The following MYO3B variants were observed in gnomAD, a reference collection of about 807,000 sequenced individuals.
The protein encoded by MYO3B is myosin IIIB.
Under a neutral mutation model 174.6 loss-of-function variants are expected in MYO3B, and 156 were observed. The ratio of observed to expected loss-of-function variants is 0.89; its 90% CI spans 0.78 to 1.02. The LOEUF (loss-of-function observed/expected upper bound fraction) is 1.02. Ranked by LOEUF, MYO3B falls within the 50% of genes least tolerant of loss-of-function variation. The pLI is 0.00. For synonymous variants in MYO3B, 563 were observed against 569.1 expected, an observed-to-expected ratio of 0.99 and a Z score of 0.15; for missense variants, 1,632 against 1,639.4, an observed-to-expected ratio of 1.00 and a Z score of 0.08.
intron 32 of MYO3B, among the ~76,000 whole-genome samples, chr2:170,596,564 T>C (rs1158447607): frequency 6.6e-6 from 1 of 152,256 alleles, no homozygotes; most frequent in Non-Finnish European, 1.5e-5. Flanking sequence ...TGAAATTCCT[T>C]AATTCTGACT....
chr2:170,389,755 A>T (rs1450605331), intron 14 of MYO3B, among the ~76,000 whole-genome samples: 1 of 152,168 alleles, frequency 6.6e-6, no homozygotes, highest in East Asian at 1.9e-4. Flanking sequence ...CTAGATGCTC[A>T]AGCTAGAAAT....
At chr2:170,602,972 G>T (rs1694606537) in intron 32 of MYO3B, among the ~76,000 whole-genome samples, 1 of 152,128 alleles carries the variant, frequency 6.6e-6, no homozygotes, top group South Asian at 2.1e-4. Context: ...GGAGGCTGAG[G>T]CAGGAGAATC....
chr2:170,330,643 T>C (rs986536486), intron 7 of MYO3B, among the ~76,000 whole-genome samples: 1 of 152,188 alleles, frequency 6.6e-6, no homozygotes, highest in African/African-American at 2.4e-5. Context: ...ACCATGTATG[T>C]GTGTATAATG....
chr2:170,618,976 A>G (rs1365383399), intron 32 of MYO3B, among the ~76,000 whole-genome samples: 1 of 152,198 alleles, frequency 6.6e-6, no homozygotes, highest in African/African-American at 2.4e-5. Context: ...GCAAGATATT[A>G]ATCAGCAGTA....
chr2:170,200,211 A>G lies in MYO3B; in HGVS notation c.248A>G (p.Asn83Ser). The change falls in exon 3 of 35, where the codon AAT becomes AGT. Residue 83 changes from asparagine (N) to serine (S), a missense_variant. Asn to Ser is a conservative substitution (Grantham distance 46). Transcript: ENST00000408978. ...NILQFLPNHP[N>S]VVKFYGMFYK... ...TTGCAGTTCCTTCCTAATCATCCCA[A>G]TGTTGTAAAGTTTTATGGGATGTTT... 1 of 1,613,584 alleles carries G rather than the reference A, an allele frequency of 6.2e-7. No homozygotes were observed. Among genetic ancestry groups the G allele is most frequent in the Non-Finnish European group, 8.5e-7 (1 of 1,179,676 alleles).
intron 8 of MYO3B, chr2:170,337,725 A>T (rs2093954737): frequency 6.6e-6 from 1 of 152,236 alleles, no homozygotes; most frequent in South Asian, 2.1e-4. Flanking sequence ...TGCTGATAAC[A>T]TAAACTGTTG....
chr2:170,623,743 T>C (rs1464185886), intron 32 of MYO3B, among the ~76,000 whole-genome samples: 1 of 152,230 alleles, frequency 6.6e-6, no homozygotes, highest in Non-Finnish European at 1.5e-5. Flanking sequence ...CTTGAATTAA[T>C]TTTTGTATAA....
chr2:170,509,685 T>C (rs1416224560), intron 28 of MYO3B, among the ~76,000 whole-genome samples: 1 of 152,144 alleles, frequency 6.6e-6, no homozygotes, highest in Non-Finnish European at 1.5e-5. Context: ...ACATCATTTG[T>C]CCCCCTCACT....
At chr2:170,203,432 T>C (rs1419548665) in intron 3 of MYO3B, among the ~76,000 whole-genome samples, 2 of 147,516 alleles carry the variant, frequency 1.4e-5, no homozygotes, top group East Asian at 4.0e-4. Flanking sequence ...ACATCTTTTT[T>C]TTCCCTTCAG....
In MYO3B at chr2:170,513,478, G is replaced by A. The variant is rs148148369; in HGVS notation, c.3371-1443G>A. ...TCACTGAGTCTCTCTGTGTCTTCAC[G>A]TGGCCTGTTTATGAGGACACCAGTC... is the stretch of plus-strand genomic sequence containing the variant. On this transcript the variant is annotated intron_variant, in intron 28 of 34. Transcript: ENST00000408978. 8.5e-5 allele frequency among the ~76,000 whole-genome samples: 13 copies of A among 152,064 alleles called. No individual in the cohort carries two copies. The East Asian group carries it at 2.5e-3, about 29-fold the overall frequency.
At chr2:170,506,493 T>A (rs1687630051) in intron 28 of MYO3B, among the ~76,000 whole-genome samples, 1 of 152,224 alleles carries the variant, frequency 6.6e-6, no homozygotes, top group Non-Finnish European at 1.5e-5. Flanking sequence ...TTCACTTACT[T>A]AACTACTATT....
intron 30 of MYO3B, among the ~76,000 whole-genome samples, chr2:170,523,035 T>C (rs980131656): frequency 2.6e-5 from 4 of 152,236 alleles, no homozygotes; most frequent in Non-Finnish European, 2.9e-5. Context: ...CCTTATGTCA[T>C]TGTGAGTAGT....
At chr2:170,192,141 C>T (rs963282880) in intron 1 of MYO3B, among the ~76,000 whole-genome samples, 1 of 151,956 alleles carries the variant, frequency 6.6e-6, no homozygotes, top group East Asian at 1.9e-4. Flanking sequence ...ACCTGGAAAA[C>T]ATAAATAGCA....
At chr2:170,525,967 G>A (rs1335572775) in intron 30 of MYO3B, among the ~76,000 whole-genome samples, 2 of 152,204 alleles carry the variant, frequency 1.3e-5, no homozygotes, top group Non-Finnish European at 2.9e-5. Flanking sequence ...GCACTAACAC[G>A]TTAGAGGACC....
At chr2:170,315,473 T>G (rs1474077195) in intron 7 of MYO3B, among the ~76,000 whole-genome samples, 1 of 138,286 alleles carries the variant, frequency 7.2e-6, no homozygotes, top group East Asian at 2.0e-4. Flanking sequence ...ACCTAGCTAA[T>G]TTTTGTGTTT....
At chr2:170,338,250 CAAG>C (rs762260392) in intron 8 of MYO3B, 11 of 152,064 alleles carry the variant, frequency 7.2e-5, no homozygotes, top group Admixed American at 1.3e-4. Context: ...GTTGTAATTG[CAAG>C]GGAGGGAGAG....
At chr2:170,274,043 T>C (rs1009348815) in intron 7 of MYO3B, among the ~76,000 whole-genome samples, 3 of 152,048 alleles carry the variant, frequency 2.0e-5, no homozygotes, top group Non-Finnish European at 4.4e-5. Context: ...TTTGGGCTGG[T>C]CTGGCCATAT....
intron 22 of MYO3B, among the ~76,000 whole-genome samples, chr2:170,416,522 CAAAA>C (rs1209503137): frequency 3.4e-3 from 203 of 60,146 alleles, no homozygotes; most frequent in African/African-American, 0.013. Context: ...GACTCCGTCT[CAAAA>C]AAAAAAAAAA....
At chr2:170,264,722 A>T in intron 7 of MYO3B, among the ~76,000 whole-genome samples, 1 of 152,240 alleles carries the variant, frequency 6.6e-6, no homozygotes. Flanking sequence ...TACTATTATT[A>T]CTACTGTCTT....
Sources: allele counts gnomAD v4.1 joint callset (sites outside exome capture counted in the v4.1 genomes callset), GRCh38; gene constraint gnomAD v4.1.1; transcripts MANE v1.5; gene names NCBI Gene and HGNC (gene_info 2026-07-23, HGNC 2026-07-21).